CLEC16A: variants seen among roughly 807,000 people sequenced by gnomAD.
The protein encoded by CLEC16A is C-type lectin domain containing 16A.
CLEC16A carries 51 observed loss-of-function variants against 109.5 expected under a neutral mutation model. The observed-to-expected ratio is 0.47, with a 90% CI of 0.37 to 0.59. The LOEUF (loss-of-function observed/expected upper bound fraction) is 0.59. Ranked by LOEUF, CLEC16A falls within the 20% of genes least tolerant of loss-of-function variation. The pLI is 0.00. For missense variants in CLEC16A, 1,339 were observed against 1,394.0 expected (o/e 0.96, Z 0.63); for synonymous variants, 673 against 564.2 (o/e 1.19, Z -2.73).
At chr16:11,078,188 G>A (rs1369112259) in intron 19 of CLEC16A, among the ~76,000 whole-genome samples, 1 of 25,612 alleles carries the variant, frequency 3.9e-5, no homozygotes, top group African/African-American at 1.7e-4. Context: ...CGTGAGGGTG[G>A]GTGGTGCGAA....
chr16:11,170,458 C>T (rs2068460771), intron 23 of CLEC16A, among the ~76,000 whole-genome samples: 1 of 152,256 alleles, frequency 6.6e-6, no homozygotes. Flanking sequence ...CTTAGATTTC[C>T]TGCCTGAGTT....
chr16:11,046,677 G>A (rs2047650932), intron 16 of CLEC16A, among the ~76,000 whole-genome samples: 1 of 152,210 alleles, frequency 6.6e-6, no homozygotes, highest in South Asian at 2.1e-4. Context: ...CATTCATGCA[G>A]TGGAACAAGG....
At chr16:11,118,190 G>A (rs149503973) in intron 19 of CLEC16A, among the ~76,000 whole-genome samples, 1 of 152,156 alleles carries the variant, frequency 6.6e-6, no homozygotes, top group Non-Finnish European at 1.5e-5. Context: ...CTGGGCTCAA[G>A]CATTCCACCC....
intron 17 of CLEC16A, 135 bp from the exon 18 acceptor site, chr16:11,051,378 A>G: frequency 2.1e-6 from 2 of 934,482 alleles, no homozygotes; most frequent in South Asian, 3.5e-5. Context: ...ACTTCAATCT[A>G]AATCCAGGAT....
chr16:11,140,907 C>T (rs2053794693), intron 22 of CLEC16A, among the ~76,000 whole-genome samples: 2 of 152,242 alleles, frequency 1.3e-5, no homozygotes, highest in Non-Finnish European at 2.9e-5. Context: ...GTGTCCCCTT[C>T]TTTCAAATGG....
At position 11,178,251 on chromosome 16, in the gene CLEC16A, C is replaced by T. The variant is rs547845908; in HGVS notation, c.2807-84C>T. The T allele has an allele frequency of 3.6e-4, 451 of 1,258,416 alleles. 1 individual carries two copies. Among genetic ancestry groups the T allele is most frequent in the Non-Finnish European group, 4.7e-4 (414 of 889,492 alleles). The allele number at this position is 1,258,416 out of a possible 1,614,324, so 78.0% of individuals were successfully genotyped here. ...CCTCCCACCTAGCTCACCAGGGCCG[C>T]GGTTCAGGATGGGAGCACAGGGCGC... On this transcript the variant is annotated intron_variant, in intron 23 of 23. Coordinates refer to ENST00000409790, the MANE Select transcript of CLEC16A (RefSeq NM_015226.3). This position sits in a 1 kb window ranked among gnomAD's most constrained non-coding sequence, Gnocchi z 6.5.
chr16:11,130,233 G>C (rs1442163729), intron 22 of CLEC16A, among the ~76,000 whole-genome samples: 1 of 152,210 alleles, frequency 6.6e-6, no homozygotes, highest in Non-Finnish European at 1.5e-5. Flanking sequence ...GTATCGTTGA[G>C]TGAAGAATGA....
chr16:10,946,266 T>C lies in CLEC16A; in HGVS notation c.80+1469T>C, dbSNP rs548418502. On this transcript the variant is annotated intron_variant, in intron 1 of 23. Transcript: ENST00000409790. ...GAGACGGGGCTGTGGAAAGGATTGGTGGGAGGGAATTAGATAGGGACTTCT... is the reference window on the plus strand; with the variant it reads ...GAGACGGGGCTGTGGAAAGGATTGGCGGGAGGGAATTAGATAGGGACTTCT... Among the ~76,000 whole-genome samples, 3 of 152,020 alleles carry C rather than the reference T, an allele frequency of 2.0e-5. No homozygotes were observed. The East Asian group carries it at 5.8e-4, about 29-fold the overall frequency.
intron 19 of CLEC16A, among the ~76,000 whole-genome samples, chr16:11,103,790 A>G (rs188580835): frequency 6.5e-4 from 99 of 152,218 alleles, no homozygotes; most frequent in African/African-American, 2.2e-3. Flanking sequence ...CTCTTTGCCA[A>G]GCAGAGTCCA....
intron 23 of CLEC16A, among the ~76,000 whole-genome samples, chr16:11,171,204 C>T (rs2068496946): frequency 6.6e-6 from 1 of 152,222 alleles, no homozygotes; most frequent in African/African-American, 2.4e-5. Flanking sequence ...CAGGTGAGGG[C>T]CTCTCAGCTG....
At chr16:11,044,481 AC>A (rs1386860119) in intron 16 of CLEC16A, among the ~76,000 whole-genome samples, 1 of 152,254 alleles carries the variant, frequency 6.6e-6, no homozygotes, top group Non-Finnish European at 1.5e-5. Flanking sequence ...TGAACCATAT[AC>A]ATGTATATTA....
At chr16:11,176,995 TAAA>T (rs2068774259) in intron 23 of CLEC16A, among the ~76,000 whole-genome samples, 1 of 152,072 alleles carries the variant, frequency 6.6e-6, no homozygotes, top group Non-Finnish European at 1.5e-5. Flanking sequence ...AAAGAGAAAA[TAAA>T]AAACTAAACT....
Position 10,961,277 on chromosome 16 carries a change from T to C in CLEC16A, c.210-1178T>C, listed in dbSNP as rs2042237708. Among the ~76,000 whole-genome samples the C allele has an allele frequency of 6.6e-6, 1 of 152,092 alleles. No individual in the cohort carries two copies. Among genetic ancestry groups the C allele is most frequent in the Non-Finnish European group, 1.5e-5 (1 of 68,014 alleles). On this transcript the variant is annotated intron_variant, in intron 2 of 23. Transcript: ENST00000409790. This position sits in a 1 kb window ranked among gnomAD's most constrained non-coding sequence, Gnocchi z 4.3. ...AGTTGGAGAAGATTGTAAGGGTCTTTTTTAGGCCATTTAAATTTTTTCATT... is the reference window on the plus strand; with the variant it reads ...AGTTGGAGAAGATTGTAAGGGTCTTCTTTAGGCCATTTAAATTTTTTCATT...
intron 1 of CLEC16A, among the ~76,000 whole-genome samples, chr16:10,956,693 A>C (rs2042005156): frequency 6.6e-6 from 1 of 152,240 alleles, no homozygotes; most frequent in Non-Finnish European, 1.5e-5. Flanking sequence ...ACCAGCAAAG[A>C]GGCCTTGAGG....
At position 10,994,542 on chromosome 16, in the gene CLEC16A, G is replaced by C. The variant is rs74997201; in HGVS notation, c.1072-8532G>C. On this transcript the variant is annotated intron_variant, in intron 10 of 23. Transcript: ENST00000409790. Reference sequence around the variant, plus strand: ...TGACCTCCTGTGACTTTTTGTCTCTGTGTTTATCAGGTAAAAATGTGAAAA... The same window carrying C: ...TGACCTCCTGTGACTTTTTGTCTCTCTGTTTATCAGGTAAAAATGTGAAAA... Among the ~76,000 whole-genome samples, 683 of 152,206 alleles carry C rather than the reference G, an allele frequency of 4.5e-3. 5 individuals carry two copies. The highest frequency in any genetic ancestry group is 0.031 in the Middle Eastern group (9 of 294).
At chr16:10,948,130 TGA>T (rs1468727807) in intron 1 of CLEC16A, among the ~76,000 whole-genome samples, 5 of 152,212 alleles carry the variant, frequency 3.3e-5, no homozygotes, top group Non-Finnish European at 7.3e-5. Context: ...CCTGACCTTG[TGA>T]TCTGCCCTCC....
At chr16:11,058,528 T>TG (rs910453876) in intron 18 of CLEC16A, among the ~76,000 whole-genome samples, 1 of 152,028 alleles carries the variant, frequency 6.6e-6, no homozygotes, top group African/African-American at 2.4e-5. Context: ...GCAACCCTTT[T>TG]TTTTTTTAAT....
chr16:11,129,324 A>G (rs922703148), intron 22 of CLEC16A, among the ~76,000 whole-genome samples: 3 of 152,232 alleles, frequency 2.0e-5, no homozygotes, highest in African/African-American at 7.2e-5. Flanking sequence ...ATAGTTTTCT[A>G]TGAACAATAA....
In CLEC16A at chr16:10,971,181, A is replaced by G; in HGVS notation, c.549A>G (p.Glu183=). ...TEAIKFFNHP[E]SMVRIAVRTI... ...CCATCAAGTTTTTCAACCACCCTGA[A>G]AGCATGGTTAGAATTGCTGTAAGAA... is the stretch of plus-strand genomic sequence containing the variant. The change falls in exon 5 of 24, where the codon GAA becomes GAG. Residue 183 remains glutamate (E), a synonymous_variant. Transcript: ENST00000409790. 3 of 1,613,870 alleles carry G rather than the reference A, an allele frequency of 1.9e-6. No homozygotes were observed. The East Asian group carries it at 6.7e-5, about 36-fold the overall frequency.
Sources: gnomAD v4.1 joint callset for allele counts (sites outside exome capture counted in the v4.1 genomes callset) on GRCh38, gnomAD v4.1.1 for gene constraint, Gnocchi (gnomAD v3.1) non-coding constraint, MANE v1.5 for transcripts, NCBI Gene and HGNC (gene_info 2026-07-23, HGNC 2026-07-21) for gene names.